The following GLDC variants were observed in gnomAD, a reference collection of about 807,000 sequenced individuals.
GLDC encodes glycine decarboxylase.
A neutral mutation model predicts 121.3 loss-of-function variants in GLDC; 104 were observed. That is an observed-to-expected ratio of 0.86 (90% CI 0.73 to 1.01). GLDC has a LOEUF of 1.01. Ranked by LOEUF, GLDC falls within the 50% of genes least tolerant of loss-of-function variation. The pLI is 0.00. For synonymous variants in GLDC, 546 were observed against 480.6 expected, an observed-to-expected ratio of 1.14 and a Z score of -1.78; for missense variants, 1,429 against 1,306.6, an observed-to-expected ratio of 1.09 and a Z score of -1.44.
intron 23 of GLDC, among the ~76,000 whole-genome samples, chr9:6,535,476 A>G (rs1041881130): frequency 1.3e-5 from 2 of 151,898 alleles, no homozygotes; most frequent in East Asian, 1.9e-4. Context: ...TGCTGCAGTC[A>G]TATCAGACTT....
rs201738685 is a variant in GLDC at position 6,599,734 on chromosome 9, A to C, written c.1155+2375T>G. 2.0e-5 allele frequency among the ~76,000 whole-genome samples: 3 copies of C among 150,704 alleles called. No individual in the cohort carries two copies. The East Asian group carries it at 5.8e-4, about 29-fold the overall frequency. On this transcript the variant is annotated intron_variant, in intron 8 of 24. Coordinates refer to ENST00000321612, the MANE Select transcript of GLDC (RefSeq NM_000170.3). The stretch of plus-strand genomic sequence containing the variant: ...AGACTCCATCTCAAAAAAAAAAAAA[A>C]CAACCAAAAAAACAAATAAATAAAT...
chr9:6,645,516 C>A lies in GLDC; in HGVS notation c.-17G>T, dbSNP rs753750029. Reference sequence around the variant, plus strand: ...GGACTGCATGGCCGCGGCCACCGTCCCCTGCCCCGGCCCGCAAGGGTCAGC... The same window carrying A: ...GGACTGCATGGCCGCGGCCACCGTCACCTGCCCCGGCCCGCAAGGGTCAGC... On this transcript the variant is annotated 5_prime_UTR_variant, in exon 1 of 25. Transcript: ENST00000321612. 3.2e-5 allele frequency: 42 copies of A among 1,314,468 alleles called. No homozygotes were observed. Among genetic ancestry groups the A allele is most frequent in the South Asian group, 9.6e-5 (5 of 51,828 alleles). 81.4% of individuals were successfully genotyped at this position (1,314,468 alleles called of 1,614,324 possible). A position where few individuals can be genotyped will look rare whatever the true frequency, so the allele number is the denominator to read the frequency against.
intron 8 of GLDC, among the ~76,000 whole-genome samples, chr9:6,598,370 A>G (rs1818532298): frequency 6.6e-6 from 1 of 152,238 alleles, no homozygotes; most frequent in Non-Finnish European, 1.5e-5. Context: ...CTGAGCCAGA[A>G]TAGGCTCAGA....
chr9:6,584,199 T>C (rs945090654), intron 15 of GLDC, among the ~76,000 whole-genome samples: 2 of 152,198 alleles, frequency 1.3e-5, no homozygotes, highest in Non-Finnish European at 2.9e-5. Context: ...TACAGACACA[T>C]TGACTGACTC....
At chr9:6,584,786 A>G (rs1000693789) in intron 15 of GLDC, among the ~76,000 whole-genome samples, 3 of 152,182 alleles carry the variant, frequency 2.0e-5, no homozygotes, top group Non-Finnish European at 4.4e-5. Context: ...TTGGAAATGG[A>G]TGGTATAGCT....
In GLDC at chr9:6,588,402, G is replaced by T; in HGVS notation, c.1706C>A (p.Ala569Glu). 3 of 1,609,356 alleles carry T rather than the reference G, an allele frequency of 1.9e-6. No individual in the cohort carries two copies. Among genetic ancestry groups the T allele is most frequent in the East Asian group, 2.2e-5 (1 of 44,852 alleles). Residue 569 changes from alanine (A) to glutamate (E), a missense_variant and splice_region_variant, in exon 14 of 25, where the codon GCA becomes GAA. By Grantham distance (107) the Ala-to-Glu change is moderately radical. Transcript: ENST00000321612. ...TMKLNSSSEL[A>E]PITWKEFANI... ...CACTTACAGAAGTGAGCTACTTACTGCGAGTTCAGACGAACTGTTCAGTTT... is the reference window on the plus strand; with the variant it reads ...CACTTACAGAAGTGAGCTACTTACTTCGAGTTCAGACGAACTGTTCAGTTT...
At position 6,605,321 on chromosome 9, in the gene GLDC, TA is replaced by T. The variant is rs750121442; in HGVS notation, c.714-44del. ...AAAGAACAATCGTGCTTTCGGTTTA[TA>T]AGGGAAAATTAATTAACGTTTCTTT... On this transcript the variant is annotated intron_variant, in intron 5 of 24. Coordinates refer to ENST00000321612, the MANE Select transcript of GLDC (RefSeq NM_000170.3). The T allele has an allele frequency of 3.8e-6, 6 of 1,599,860 alleles. No homozygotes were observed. The South Asian group carries it at 6.6e-5, about 18-fold the overall frequency.
rs1563864174 is a variant in GLDC, at chr9:6,619,145, G to GAAAAAAA, written c.470+1038_470+1039insTTTTTTT. On this transcript the variant is annotated intron_variant, in intron 3 of 24. Transcript: ENST00000321612. ...GCAACAGAGTGAGACTCTGTCTCAG[G>GAAAAAAA]CAAAAAAAAAAAAAAAAAAAAAAAA... is the stretch of plus-strand genomic sequence containing the variant. Among the ~76,000 whole-genome samples the GAAAAAAA allele has an allele frequency of 2.9e-3, 87 of 30,206 alleles. 6 individuals carry two copies. Among genetic ancestry groups the GAAAAAAA allele is most frequent in the African/African-American group, 0.013 (84 of 6,584 alleles). The allele number at this position is 30,206 out of a possible 152,430, so 19.8% of individuals were successfully genotyped here.
intron 2 of GLDC, among the ~76,000 whole-genome samples, chr9:6,637,484 C>T (rs1394523746): frequency 6.6e-6 from 1 of 151,974 alleles, no homozygotes; most frequent in African/African-American, 2.4e-5. Flanking sequence ...TGAAGTCATT[C>T]TGTCGCCCAG....
intron 15 of GLDC, among the ~76,000 whole-genome samples, chr9:6,574,019 A>G (rs1012162081): frequency 1.3e-5 from 2 of 152,192 alleles, no homozygotes; most frequent in African/African-American, 4.8e-5. Context: ...CCCTCAACAC[A>G]ACACTCTGTA....
chr9:6,594,522 CCT>C (rs778450098), intron 9 of GLDC, among the ~76,000 whole-genome samples: 11 of 152,074 alleles, frequency 7.2e-5, no homozygotes, highest in Non-Finnish European at 1.6e-4. Flanking sequence ...ATGGCAAAGC[CCT>C]GTCTCTACCA....
At position 6,611,458 on chromosome 9, in the gene GLDC, A is replaced by C. The variant is rs1354201038; in HGVS notation, c.471-1102T>G. Among the ~76,000 whole-genome samples the C allele has an allele frequency of 2.6e-5, 4 of 152,118 alleles. No individual in the cohort carries two copies. In the East Asian group the frequency reaches 7.7e-4, roughly 29 times the overall value. On this transcript the variant is annotated intron_variant, in intron 3 of 24. Transcript: ENST00000321612. ...GTAGTCCCAGCTACTCAGGAGGCTG[A>C]GGCAGGAGAATCGCTTGAACCCGCG... is the stretch of plus-strand genomic sequence containing the variant.
chr9:6,543,267 C>T (rs1015513421), intron 21 of GLDC, among the ~76,000 whole-genome samples: 2 of 152,072 alleles, frequency 1.3e-5, no homozygotes. Flanking sequence ...AAAGCAAGAC[C>T]GTCTCTTAAA....
intron 15 of GLDC, among the ~76,000 whole-genome samples, chr9:6,585,997 T>C (rs866646403): frequency 3.3e-5 from 5 of 152,014 alleles, no homozygotes; most frequent in Non-Finnish European, 7.4e-5. Flanking sequence ...GGTCTTGTCT[T>C]AAAAATAAAG....
At chr9:6,542,885 CAAAAAAAAAA>C (rs5896153) in intron 21 of GLDC, among the ~76,000 whole-genome samples, 2 of 61,392 alleles carry the variant, frequency 3.3e-5, no homozygotes, top group Admixed American at 2.2e-4. Flanking sequence ...GACCTTTTCT[CAAAAAAAAAA>C]AAAAAAAAAA....
intron 16 of GLDC, among the ~76,000 whole-genome samples, chr9:6,559,542 G>C (rs974449124): frequency 9.0e-4 from 71 of 78,530 alleles, no homozygotes; most frequent in African/African-American, 3.5e-3. Context: ...AAAAAAAAAA[G>C]ATCAACCTGG....
At chr9:6,631,412 A>T (rs1819374845) in intron 2 of GLDC, among the ~76,000 whole-genome samples, 1 of 152,134 alleles carries the variant, frequency 6.6e-6, no homozygotes, top group Non-Finnish European at 1.5e-5. Flanking sequence ...CCAAAACAAC[A>T]TTCACTGTGG....
At chr9:6,609,904 G>A (rs1357927205) in intron 4 of GLDC, among the ~76,000 whole-genome samples, 1 of 151,936 alleles carries the variant, frequency 6.6e-6, no homozygotes, top group Non-Finnish European at 1.5e-5. Context: ...CCCAAAAATA[G>A]TCCCCTCACC....
In GLDC at chr9:6,604,626, C is replaced by A; in HGVS notation, c.1020G>T (p.Leu340Phe). 1 of 1,613,276 alleles carries A rather than the reference C, an allele frequency of 6.2e-7. No homozygotes were observed. The highest frequency in any genetic ancestry group is 1.1e-5 in the South Asian group (1 of 91,032). Reference sequence around the variant, plus strand: ...CCATTCTTCCAGGCATCATTCTCACCAAGCTTTCTCGGACAGCAAAAAATG... The same window carrying A: ...CCATTCTTCCAGGCATCATTCTCACAAAGCTTTCTCGGACAGCAAAAAATG... ...HAAFFAVRES[L>F]VRMMPGRMVG... The change falls in exon 7 of 25, where the codon TTG (leucine) becomes TTT (phenylalanine). Residue 340 changes from leucine (L) to phenylalanine (F), a missense_variant. Coordinates refer to ENST00000321612, the MANE Select transcript of GLDC (RefSeq NM_000170.3).
Sources: allele counts gnomAD v4.1 joint callset (sites outside exome capture counted in the v4.1 genomes callset), GRCh38; gene constraint gnomAD v4.1.1; transcripts MANE v1.5; gene names NCBI Gene and HGNC (gene_info 2026-07-23, HGNC 2026-07-21).